Variants in NECTIN3 observed in about 807,000 individuals in gnomAD.
NECTIN3 encodes the protein nectin cell adhesion molecule 3, also known as nectin-3.
A neutral mutation model predicts 49.4 loss-of-function variants in NECTIN3; 8 were observed. That is an observed-to-expected ratio of 0.16 (90% confidence interval 0.10 to 0.29). The LOEUF is 0.29. NECTIN3 is among the 10% of genes least tolerant of loss of function. The pLI is 1.00. For missense variants in NECTIN3, 581 were observed against 654.6 expected, an observed-to-expected ratio of 0.89 and a Z score of 1.23; for synonymous variants, 277 against 241.1, an observed-to-expected ratio of 1.15 and a Z score of -1.38.
rs1028076962 is a variant in NECTIN3 at position 111,077,832 on chromosome 3, A to G, written c.160+5655A>G. ...AGTAGGCACTCATATTTATTTCAAG[A>G]GTTTGATGGCGAAATCAAGGTTAGT... On this transcript the variant is annotated intron_variant, in intron 1 of 5. Coordinates refer to ENST00000485303, the MANE Select transcript of NECTIN3 (RefSeq NM_015480.3). 5.3e-5 allele frequency among the ~76,000 whole-genome samples: 8 copies of G among 152,326 alleles called. No homozygotes were observed. In the East Asian group the frequency reaches 7.7e-4, roughly 15 times the overall value.
chr3:111,102,496 G>A (rs546251346), intron 1 of NECTIN3, among the ~76,000 whole-genome samples: 2 of 152,202 alleles, frequency 1.3e-5, no homozygotes, highest in African/African-American at 2.4e-5. Context: ...GTCCAACCCA[G>A]GTTAAATCTT....
chr3:111,077,496 G>A (rs1194797459), intron 1 of NECTIN3, among the ~76,000 whole-genome samples: 1 of 150,934 alleles, frequency 6.6e-6, no homozygotes, highest in Admixed American at 6.7e-5. Flanking sequence ...TTCTCAAATA[G>A]TTAGAGCCTG....
chr3:111,192,653 T>C (rs1291767685), intron 1 of NECTIN3, among the ~76,000 whole-genome samples: 1 of 152,128 alleles, frequency 6.6e-6, no homozygotes, highest in African/African-American at 2.4e-5. Context: ...GTTCATTTTA[T>C]AGGTGCTAGC....
chr3:111,124,275 C>T (rs1254417612), intron 4 of NECTIN3, among the ~76,000 whole-genome samples: 1 of 152,104 alleles, frequency 6.6e-6, no homozygotes, highest in African/African-American at 2.4e-5. Flanking sequence ...CCCCTCTAAT[C>T]CTAAATTTCC....
At chr3:111,098,575 T>C (rs1332350958) in intron 1 of NECTIN3, among the ~76,000 whole-genome samples, 2 of 152,186 alleles carry the variant, frequency 1.3e-5, no homozygotes, top group African/African-American at 4.8e-5. Flanking sequence ...ACACTTGTCA[T>C]TGGATTTGGG....
chr3:111,111,898 CATGTGTGTGT>C (rs913961146), intron 1 of NECTIN3, 122 bp from the exon 2 acceptor site: 26 of 418,908 alleles, frequency 6.2e-5, no homozygotes, highest in African/African-American at 2.2e-4. Flanking sequence ...TGTGTGTGTG[CATGTGTGTGT>C]GTGTGTGTGT....
chr3:111,096,703 G>A lies in NECTIN3; in HGVS notation c.161-15327G>A, dbSNP rs116961395. On this transcript the variant is annotated intron_variant, in intron 1 of 5. Transcript: ENST00000485303. ...ACTGAAAGTGGCCAAGGTACAGCTC[G>A]GGCTGTTGCTTCAGAAGGTGGAAGC... Among the ~76,000 whole-genome samples, 6,139 of 152,178 alleles carry A rather than the reference G, an allele frequency of 0.04. 702 individuals carry two copies. The East Asian group carries it at 0.45, about 11-fold the overall frequency.
intron 1 of NECTIN3, chr3:111,077,344 T>TAAAAAGAAAAAAAAAAAAAAA (rs2031281452): frequency 1.3e-5 from 1 of 79,336 alleles, no homozygotes; most frequent in Non-Finnish European, 3.1e-5. Flanking sequence ...ACTTTAATGG[T>TAAAAAGAAAAAAAAAAAAAAA]AAAAAAAAAA....
intron 7 of NECTIN3, among the ~76,000 whole-genome samples, chr3:111,184,514 G>C (rs1211388252): frequency 6.6e-6 from 1 of 152,180 alleles, no homozygotes; most frequent in Non-Finnish European, 1.5e-5. Context: ...GCCTTTGCCA[G>C]ATGCTAGCAC....
chr3:111,108,821 C>T (rs1416117370), intron 1 of NECTIN3, among the ~76,000 whole-genome samples: 1 of 152,174 alleles, frequency 6.6e-6, no homozygotes, highest in Non-Finnish European at 1.5e-5. Flanking sequence ...ACCACAGGGA[C>T]AGCACCAAGC....
At chr3:111,160,819 A>G (rs1214404830) in intron 7 of NECTIN3, among the ~76,000 whole-genome samples, 1 of 152,172 alleles carries the variant, frequency 6.6e-6, no homozygotes, top group East Asian at 1.9e-4. Context: ...CATCGTGGCT[A>G]ACACGGTGAA....
At chr3:111,081,845 C>T (rs1049565181) in intron 1 of NECTIN3, among the ~76,000 whole-genome samples, 1 of 152,062 alleles carries the variant, frequency 6.6e-6, no homozygotes. Context: ...GGAGGGAAGT[C>T]GTGGATTTTT....
intron 7 of NECTIN3, among the ~76,000 whole-genome samples, chr3:111,185,528 C>T (rs1205450929): frequency 1.3e-5 from 2 of 152,064 alleles, no homozygotes; most frequent in Non-Finnish European, 2.9e-5. Context: ...TATCACTTGT[C>T]AGTATAAGGA....
intron 1 of NECTIN3, among the ~76,000 whole-genome samples, chr3:111,091,100 C>T (rs1276312443): frequency 6.6e-6 from 1 of 152,088 alleles, no homozygotes; most frequent in Non-Finnish European, 1.5e-5. Context: ...GTCAATGTTA[C>T]TATTTCCTCC....
intron 7 of NECTIN3, among the ~76,000 whole-genome samples, chr3:111,176,103 A>G (rs930833803): frequency 3.9e-5 from 6 of 152,202 alleles, no homozygotes; most frequent in African/African-American, 1.4e-4. Flanking sequence ...GGGCCAGAAG[A>G]AAATACCCAA....
At chr3:111,108,226 T>TTG (rs1427594201) in intron 1 of NECTIN3, among the ~76,000 whole-genome samples, 2 of 137,958 alleles carry the variant, frequency 1.4e-5, no homozygotes, top group African/African-American at 5.1e-5. Flanking sequence ...CTTCTAAATT[T>TTG]TTTTTTTTTT....
At chr3:111,075,173 T>C (rs1424085705) in intron 1 of NECTIN3, 1 of 152,140 alleles carries the variant, frequency 6.6e-6, no homozygotes, top group Admixed American at 6.6e-5. Context: ...AAAGGAAACA[T>C]GATTGTAGAA....
intron 7 of NECTIN3, among the ~76,000 whole-genome samples, chr3:111,170,141 G>A (rs1440302677): frequency 6.6e-6 from 1 of 152,098 alleles, no homozygotes; most frequent in Non-Finnish European, 1.5e-5. Flanking sequence ...ATTTAATATT[G>A]AAGCATAAAT....
At chr3:111,112,936 T>C (rs2033535038) in intron 2 of NECTIN3, among the ~76,000 whole-genome samples, 3 of 152,176 alleles carry the variant, frequency 2.0e-5, no homozygotes. Flanking sequence ...TTTAAGCTAC[T>C]TTCAGTGAAA....
Sources: allele counts gnomAD v4.1 joint callset (sites outside exome capture counted in the v4.1 genomes callset), GRCh38; gene constraint gnomAD v4.1.1; transcripts MANE v1.5; gene names NCBI Gene and HGNC (gene_info 2026-07-23, HGNC 2026-07-21).